Variants in RPP30 observed in about 807,000 individuals in gnomAD.
The protein encoded by RPP30 is ribonuclease P protein subunit p30.
A neutral mutation model predicts 38.6 loss-of-function variants in RPP30; 36 were observed. The observed-to-expected ratio is 0.93, with a 90% CI of 0.71 to 1.23. The LOEUF is 1.23. RPP30 is among the 50% of genes most tolerant of loss of function. The pLI, the probability that RPP30 is intolerant of heterozygous loss-of-function variation, is 0.00. For missense variants in RPP30, 321 were observed against 321.7 expected, an observed-to-expected ratio of 1.00 and a Z score of 0.02; for synonymous variants, 126 against 112.7, an observed-to-expected ratio of 1.12 and a Z score of -0.75.
chr10:90,903,264 C>T, downstream of RPP30: 2 of 1,605,460 alleles, frequency 1.2e-6, no homozygotes, highest in Non-Finnish European at 1.7e-6. Flanking sequence ...AGGCTTTGAC[C>T]CTTCTTTAAA....
chr10:90,896,350 G>C lies in RPP30; in HGVS notation c.655G>C (p.Ala219Pro), dbSNP rs753158420. The C allele has an allele frequency of 5.6e-6, 9 of 1,614,054 alleles. No homozygotes were observed. Among genetic ancestry groups the C allele is most frequent in the South Asian group, 4.4e-5 (4 of 91,090 alleles). The stretch of plus-strand genomic sequence containing the variant: ...TGGGCTCTCTGAAAGTGACGCCAAG[G>C]CTGCGGTGTCCACCAACTGCCGAGC... ...LFGLSESDAK[A>P]AVSTNCRAAL... The change falls in exon 10 of 11, where the codon GCT becomes CCT. Residue 219 changes from alanine to proline, a missense_variant. By Grantham distance (27) the Ala-to-Pro change is conservative. Coordinates refer to ENST00000371703, the MANE Select transcript of RPP30 (RefSeq NM_006413.5).
In RPP30 at chr10:90,895,920, A is replaced by G; in HGVS notation, c.617+3A>G. The G allele has an allele frequency of 1.3e-6, 2 of 1,599,702 alleles. No individual in the cohort carries two copies. The highest frequency in any genetic ancestry group is 1.7e-6 in the Non-Finnish European group (2 of 1,172,756). On this transcript the variant is annotated splice_donor_region_variant and intron_variant, in intron 9 of 10. Transcript: ENST00000371703. ...GGGCCATATGACGTGGCAAATCTGT[A>G]TCCTTTTCTGAGTAAAAAGTTGTTG...
downstream of RPP30, among the ~76,000 whole-genome samples, chr10:90,906,997 G>A (rs1002131797): frequency 6.6e-6 from 1 of 152,160 alleles, no homozygotes; most frequent in Admixed American, 6.5e-5. Context: ...AAATAACTAA[G>A]AGTTGTCTTA....
chr10:90,873,272 C>T (rs1846807369), intron 1 of RPP30, among the ~76,000 whole-genome samples: 1 of 152,088 alleles, frequency 6.6e-6, no homozygotes. Flanking sequence ...TAGAGAATTT[C>T]CCCCAGTTTA....
intron 5 of RPP30, among the ~76,000 whole-genome samples, chr10:90,880,762 TTTTG>T (rs1410853438): frequency 6.6e-6 from 1 of 152,144 alleles, no homozygotes; most frequent in Non-Finnish European, 1.5e-5. Flanking sequence ...TTCTCAAGAA[TTTTG>T]TTTTAGTTAA....
chr10:90,905,225 C>T (rs1351376048), downstream of RPP30: 1 of 152,110 alleles, frequency 6.6e-6, no homozygotes, highest in Non-Finnish European at 1.5e-5. Context: ...TAGAGATCCC[C>T]ATTCCCAGGG....
chr10:90,885,410 T>A (rs1482422383), intron 5 of RPP30, among the ~76,000 whole-genome samples: 4 of 152,224 alleles, frequency 2.6e-5, no homozygotes, highest in African/African-American at 9.6e-5. Flanking sequence ...GTGGGATAAA[T>A]GGACTATGCA....
In RPP30 at chr10:90,895,993, A is replaced by C. The variant is rs1847134956; in HGVS notation, c.617+76A>C. 2.6e-6 allele frequency: 3 copies of C among 1,137,486 alleles called. No individual in the cohort carries two copies. In the Admixed American group the frequency reaches 5.9e-5, roughly 23 times the overall value. The allele number at this position is 1,137,486 out of a possible 1,614,324, so 70.5% of individuals were successfully genotyped here. ...GAATTTGAAGTCGTATTATAGTTGA[A>C]CATGTATTTTTCTCAACCTTTTACT... is the stretch of plus-strand genomic sequence containing the variant. On this transcript the variant is annotated intron_variant, in intron 9 of 10. Coordinates refer to ENST00000371703, the MANE Select transcript of RPP30 (RefSeq NM_006413.5).
chr10:90,879,368 C>T (rs767279095), intron 5 of RPP30, among the ~76,000 whole-genome samples: 3 of 151,956 alleles, frequency 2.0e-5, no homozygotes, highest in Non-Finnish European at 4.4e-5. Context: ...TGAAAGAGCC[C>T]GTTTTCTTCT....
intron 1 of RPP30, among the ~76,000 whole-genome samples, chr10:90,874,348 C>T (rs1174933017): frequency 6.6e-6 from 1 of 152,072 alleles, no homozygotes; most frequent in Non-Finnish European, 1.5e-5. Context: ...GGAGTTATCA[C>T]TCCATTTCTC....
chr10:90,908,328 GACCTGGCCTAGC>G (rs1298161926), exon 5 of RPP30: 1 of 152,078 alleles, frequency 6.6e-6, no homozygotes, highest in Non-Finnish European at 1.5e-5. Flanking sequence ...CAGGTCTTAG[GACCTGGCCTAGC>G]ACCTGGCCAA....
At chr10:90,874,733 A>G in intron 1 of RPP30, 136 bp from the exon 2 acceptor site, 1 of 466,340 alleles carries the variant, frequency 2.1e-6, no homozygotes, top group Non-Finnish European at 3.9e-6. Context: ...AATCAGGCAG[A>G]CTGACACTAG....
intron 10 of RPP30, among the ~76,000 whole-genome samples, chr10:90,897,082 G>A (rs1847148294): frequency 6.6e-6 from 1 of 151,982 alleles, no homozygotes; most frequent in African/African-American, 2.4e-5. Flanking sequence ...CTCACATTTT[G>A]TATATGTACC....
downstream of RPP30, chr10:90,903,348 C>A: frequency 2.3e-6 from 2 of 886,914 alleles, no homozygotes; most frequent in African/African-American, 1.7e-5. Flanking sequence ...CAATTTTTTG[C>A]GACGTCCCAC....
At chr10:90,889,171 A>G (rs760142574) in intron 6 of RPP30, among the ~76,000 whole-genome samples, 86 of 152,274 alleles carry the variant, frequency 5.6e-4, no homozygotes, top group Admixed American at 3.7e-3. Flanking sequence ...TTGTCTACAT[A>G]AAGTATGGAA....
intron 6 of RPP30, among the ~76,000 whole-genome samples, chr10:90,891,617 C>A (rs1470903773): frequency 6.6e-6 from 1 of 152,144 alleles, no homozygotes; most frequent in African/African-American, 2.4e-5. Flanking sequence ...ACATGCTATA[C>A]CTCTACAATA....
Position 90,875,977 on chromosome 10 carries a change from A to C in RPP30, c.196-47A>C, listed in dbSNP as rs775403479. 3 of 1,099,138 alleles carry C rather than the reference A, an allele frequency of 2.7e-6. No homozygotes were observed. The South Asian group carries it at 3.8e-5, about 14-fold the overall frequency. The allele number at this position is 1,099,138 out of a possible 1,614,324, so 68.1% of individuals were successfully genotyped here. A position where few individuals can be genotyped will look rare whatever the true frequency, so the allele number is the denominator to read the frequency against. ...CTTTCCACTGGTAAAAAGGAAAATC[A>C]ATTATTGTCTTTTGTGCTTTTTTGA... On this transcript the variant is annotated intron_variant, in intron 3 of 10. Coordinates refer to ENST00000371703, the MANE Select transcript of RPP30 (RefSeq NM_006413.5).
chr10:90,881,694 A>T (rs183317719), intron 5 of RPP30, among the ~76,000 whole-genome samples: 3 of 152,312 alleles, frequency 2.0e-5, no homozygotes, highest in Admixed American at 2.0e-4. Context: ...TTTTATAGGT[A>T]TATCATGGTT....
Position 90,871,993 on chromosome 10 carries a change from G to A in RPP30, c.7G>A (p.Val3Met), listed in dbSNP as rs1223371514. The A allele has an allele frequency of 6.2e-7, 1 of 1,613,918 alleles. No homozygotes were observed. The highest frequency in any genetic ancestry group is 1.3e-5 in the African/African-American group (1 of 74,932). ...ACGGTCATGGGACTTCAGCATGGCG[G>A]TGTTTGCAGATTTGGACCTGCGAGC... MAVFADLDLRAGS... is the reference protein window; with the variant it reads MAMFADLDLRAGS... Residue 3 changes from valine (V) to methionine (M), a missense_variant, in exon 1 of 11, where the codon GTG (valine) becomes ATG (methionine). Coordinates refer to ENST00000371703, the MANE Select transcript of RPP30 (RefSeq NM_006413.5).
Sources: gnomAD v4.1 joint callset for allele counts (sites outside exome capture counted in the v4.1 genomes callset) on GRCh38, gnomAD v4.1.1 for gene constraint, MANE v1.5 for transcripts, NCBI Gene and HGNC (gene_info 2026-07-23, HGNC 2026-07-21) for gene names.